Variants in FASTKD5 observed in about 807,000 individuals in gnomAD.
FASTKD5 encodes FAST kinase domains 5, also known as non-canonical pre-mRNAs endonuclease FASTKD5, mitochondrial.
A neutral mutation model predicts 44.0 loss-of-function variants in FASTKD5; 30 were observed. The ratio of observed to expected loss-of-function variants is 0.68; its 90% confidence interval spans 0.51 to 0.93. FASTKD5 has a LOEUF of 0.93. FASTKD5 is among the 40% of genes least tolerant of loss of function. The pLI is 0.00. For synonymous variants in FASTKD5, 335 were observed against 342.2 expected (o/e 0.98, Z 0.23); for missense variants, 868 against 908.2 (o/e 0.96, Z 0.57).
chr20:3,152,359 C>T (rs2148625081), intron 1 of FASTKD5, among the ~76,000 whole-genome samples: 2 of 151,574 alleles, frequency 1.3e-5, no homozygotes, highest in South Asian at 4.2e-4. Context: ...TGGGCGCCTG[C>T]AATTGCAGCT....
At chr20:3,158,745 A>G (rs1193284813) in intron 1 of FASTKD5, among the ~76,000 whole-genome samples, 1 of 152,254 alleles carries the variant, frequency 6.6e-6, no homozygotes, top group Non-Finnish European at 1.5e-5. Context: ...AAGTGCTGGG[A>G]TTACAGGCGT....
In FASTKD5 at chr20:3,156,509, T is replaced by C. The variant is rs1164870728; in HGVS notation, c.-191+3257A>G. ...TTCAATAAAGGTCAAAGATACCTGA[T>C]ATGATTTCACAAAACTCCTTTCCTA... is the stretch of plus-strand genomic sequence containing the variant. On this transcript the variant is annotated intron_variant, in intron 1 of 1. Transcript: ENST00000380266. Among the ~76,000 whole-genome samples the C allele has an allele frequency of 2.6e-5, 4 of 152,200 alleles. No individual in the cohort carries two copies. The East Asian group carries it at 7.7e-4, about 29-fold the overall frequency.
At position 3,147,076 on chromosome 20, in the gene FASTKD5, C is replaced by A; in HGVS notation, c.1995G>T (p.Leu665=). 2 of 1,614,184 alleles carry A rather than the reference C, an allele frequency of 1.2e-6. No homozygotes were observed. Among genetic ancestry groups the A allele is most frequent in the Non-Finnish European group, 8.5e-7 (1 of 1,180,042 alleles). ...CTGCTACATTGCAAAGGAAGCCCCC[C>A]AGAGGTACAGCTGCCTTATTCTCCA... ...MELENKAAVP[L]GGFLCNVADK... The change falls in exon 2 of 2, where the codon CTG becomes CTT. Residue 665 remains leucine (L), a synonymous_variant. Coordinates refer to ENST00000380266, the MANE Select transcript of FASTKD5 (RefSeq NM_021826.5).
At chr20:3,156,543 GCCC>G in intron 1 of FASTKD5, 1 of 152,122 alleles carries the variant, frequency 6.6e-6, no homozygotes, top group East Asian at 1.9e-4. Context: ...TAGTTTAAGT[GCCC>G]CAAGTATACC....
chr20:3,150,348 A>G lies in FASTKD5; in HGVS notation c.-190-1088T>C, dbSNP rs886993482. Among the ~76,000 whole-genome samples, 19 of 152,304 alleles carry G rather than the reference A, an allele frequency of 1.2e-4. No homozygotes were observed. The East Asian group carries it at 2.1e-3, about 17-fold the overall frequency. ...TGGGCTCAGGGTTCAGGGAACGCCAATTGACGCAACTGCCCCGCTGACATC... is the reference window on the plus strand; with the variant it reads ...TGGGCTCAGGGTTCAGGGAACGCCAGTTGACGCAACTGCCCCGCTGACATC... On this transcript the variant is annotated intron_variant, in intron 1 of 1. Coordinates refer to ENST00000380266, the MANE Select transcript of FASTKD5 (RefSeq NM_021826.5).
intron 1 of FASTKD5, among the ~76,000 whole-genome samples, chr20:3,154,014 C>T (rs1432274664): frequency 1.3e-5 from 2 of 152,106 alleles, no homozygotes; most frequent in Non-Finnish European, 2.9e-5. Context: ...GAGAAGACCT[C>T]AAAGGCTGAA....
rs779007562 is a variant in FASTKD5, at chr20:3,147,898, T to C, written c.1173A>G (p.Gln391=). The change falls in exon 2 of 2, where the codon CAA becomes CAG. Residue 391 remains glutamine, a synonymous_variant. Transcript: ENST00000380266. ...APQRIPSLGV[Q]GVMHLTLYCS... is the part of the protein sequence containing the mutation. ...AGTAAAGAGTCAGGTGCATGACACC[T>C]TGAACTCCCAGGGAAGGAATTCGCT... The C allele has an allele frequency of 1.2e-5, 19 of 1,614,108 alleles. No individual in the cohort carries two copies. The highest frequency in any genetic ancestry group is 1.6e-5 in the Non-Finnish European group (19 of 1,180,032).
intron 1 of FASTKD5, among the ~76,000 whole-genome samples, chr20:3,151,538 AAC>A (rs2066624954): frequency 6.6e-6 from 1 of 152,172 alleles, no homozygotes; most frequent in Non-Finnish European, 1.5e-5. Flanking sequence ...CTATAATCCC[AAC>A]ACTTTGGGAA....
chr20:3,151,566 T>C (rs997608768), intron 1 of FASTKD5, among the ~76,000 whole-genome samples: 2 of 151,952 alleles, frequency 1.3e-5, no homozygotes, highest in East Asian at 1.9e-4. Flanking sequence ...GGCAGAAGGA[T>C]TGCTTGAGGC....
intron 1 of FASTKD5, among the ~76,000 whole-genome samples, chr20:3,159,540 C>A (rs1277120628): frequency 6.6e-6 from 1 of 152,226 alleles, no homozygotes; most frequent in Non-Finnish European, 1.5e-5. Context: ...GTCAGATAAG[C>A]CCCCTGCCAA....
intron 1 of FASTKD5, among the ~76,000 whole-genome samples, chr20:3,150,140 T>C (rs956693135): frequency 6.6e-6 from 1 of 152,210 alleles, no homozygotes; most frequent in South Asian, 2.1e-4. Flanking sequence ...TTTTAGAAGA[T>C]GCCTACTCTC....
Position 3,146,654 on chromosome 20 carries a change from A to G in FASTKD5, c.*122T>C, listed in dbSNP as rs923487714. ...CTAGCTCTAACCTGCCTTGGATACA[A>G]TTAAGTCTCCTCAACACACTATTTT... On this transcript the variant is annotated 3_prime_UTR_variant, in exon 2 of 2. Coordinates refer to ENST00000380266, the MANE Select transcript of FASTKD5 (RefSeq NM_021826.5). 1 of 1,187,466 alleles carries G rather than the reference A, an allele frequency of 8.4e-7. No individual in the cohort carries two copies. The highest frequency in any genetic ancestry group is 1.5e-5 in the African/African-American group (1 of 65,150). 73.6% of individuals were successfully genotyped at this position (1,187,466 alleles called of 1,614,324 possible).
chr20:3,158,077 G>A (rs976980650), intron 1 of FASTKD5, among the ~76,000 whole-genome samples: 1 of 151,948 alleles, frequency 6.6e-6, no homozygotes, highest in African/African-American at 2.4e-5. Context: ...TAAGTAGCTT[G>A]GACTACAAGC....
chr20:3,157,243 C>A (rs1256228621), intron 1 of FASTKD5, among the ~76,000 whole-genome samples: 1 of 152,218 alleles, frequency 6.6e-6, no homozygotes, highest in Non-Finnish European at 1.5e-5. Context: ...CTGGGCTAGA[C>A]TCTTCTGTGT....
chr20:3,151,271 T>C (rs1001033893), intron 1 of FASTKD5, among the ~76,000 whole-genome samples: 27 of 152,212 alleles, frequency 1.8e-4, no homozygotes, highest in African/African-American at 6.0e-4. Flanking sequence ...GACTATGTCC[T>C]GGGGCCCAAA....
intron 1 of FASTKD5, among the ~76,000 whole-genome samples, chr20:3,154,791 C>T (rs959032252): frequency 1.3e-5 from 2 of 151,592 alleles, no homozygotes; most frequent in African/African-American, 4.8e-5. Context: ...TTAGCCTAAC[C>T]AAAAATTATG....
chr20:3,158,835 C>T (rs1438294787), intron 1 of FASTKD5, among the ~76,000 whole-genome samples: 1 of 152,228 alleles, frequency 6.6e-6, no homozygotes, highest in African/African-American at 2.4e-5. Context: ...CAGGACCATT[C>T]AGGTCAGTGA....
chr20:3,158,098 G>T (rs745968178), intron 1 of FASTKD5, among the ~76,000 whole-genome samples: 21 of 151,762 alleles, frequency 1.4e-4, no homozygotes, highest in Non-Finnish European at 2.5e-4. Context: ...CCACCACCAC[G>T]CCTGGCTACA....
chr20:3,154,290 G>A (rs1455145876), intron 1 of FASTKD5, among the ~76,000 whole-genome samples: 2 of 152,180 alleles, frequency 1.3e-5, no homozygotes, highest in Non-Finnish European at 2.9e-5. Flanking sequence ...GATAATCCGG[G>A]CATGAACAAG....
Sources: gnomAD v4.1 joint callset for allele counts (sites outside exome capture counted in the v4.1 genomes callset) on GRCh38, gnomAD v4.1.1 for gene constraint, MANE v1.5 for transcripts, NCBI Gene and HGNC (gene_info 2026-07-23, HGNC 2026-07-21) for gene names.